Variants in REV3L observed in about 807,000 individuals in gnomAD.
REV3L encodes DNA polymerase zeta catalytic subunit.
Under a neutral mutation model 299.4 loss-of-function variants are expected in REV3L, and 69 were observed. The ratio of observed to expected loss-of-function variants is 0.23; its 90% CI spans 0.19 to 0.28. REV3L has a LOEUF of 0.28. Among genes scored for constraint, REV3L ranks in the 10% least tolerant of loss-of-function variants. REV3L has a pLI of 1.00. For synonymous variants in REV3L, 1,238 were observed against 1,271.4 expected (o/e 0.97, Z 0.56); for missense variants, 3,128 against 3,693.8 (o/e 0.85, Z 3.97).
At chr6:111,394,129 G>C (rs1181606758) in intron 4 of REV3L, among the ~76,000 whole-genome samples, 1 of 152,042 alleles carries the variant, frequency 6.6e-6, no homozygotes, top group African/African-American at 2.4e-5. Context: ...ATATTGAATT[G>C]ATTTCCTTTC....
chr6:111,468,517 T>C (rs909128029), intron 1 of REV3L, among the ~76,000 whole-genome samples: 5 of 152,108 alleles, frequency 3.3e-5, no homozygotes, highest in Admixed American at 6.5e-5. Flanking sequence ...CTCTCAAGCA[T>C]ATGAAAAAAC....
At chr6:111,380,668 G>A (rs1424455718) in intron 10 of REV3L, among the ~76,000 whole-genome samples, 1 of 152,244 alleles carries the variant, frequency 6.6e-6, no homozygotes, top group African/African-American at 2.4e-5. Context: ...AGGTGTTGAG[G>A]TAGCTCTCCT....
At position 111,329,586 on chromosome 6, in the gene REV3L, A is replaced by G; in HGVS notation, c.8187T>C (p.Asn2729=). 3 of 1,614,134 alleles carry G rather than the reference A, an allele frequency of 1.9e-6. No individual in the cohort carries two copies. The highest frequency in any genetic ancestry group is 2.5e-6 in the Non-Finnish European group (3 of 1,180,012). ...ARQLGLKLIA[N]VTFGYTSANF... ...TAGCAGATGTATAGCCAAATGTGAC[A>G]TTTGCTATCAGCTTAAGTCCCAACT... The change falls in exon 25 of 32, where the codon AAT becomes AAC. Residue 2729 remains asparagine (N), a synonymous_variant. Coordinates refer to ENST00000368802, the MANE Select transcript of REV3L (RefSeq NM_001372078.1).
chr6:111,399,044 A>T (rs1179811470), intron 4 of REV3L, among the ~76,000 whole-genome samples: 3 of 152,182 alleles, frequency 2.0e-5, no homozygotes, highest in Non-Finnish European at 4.4e-5. Context: ...CCTTCTGAGT[A>T]CCATTCCAAT....
intron 1 of REV3L, among the ~76,000 whole-genome samples, chr6:111,451,127 T>C (rs1207510932): frequency 1.3e-5 from 2 of 152,124 alleles, no homozygotes; most frequent in South Asian, 2.1e-4. Flanking sequence ...AGAAGCCAAA[T>C]TGCCAGAGGT....
chr6:111,345,331 G>A (rs1776916327), intron 20 of REV3L, among the ~76,000 whole-genome samples: 1 of 152,112 alleles, frequency 6.6e-6, no homozygotes. Flanking sequence ...ATGGAGACAG[G>A]AGCAATAATC....
chr6:111,367,174 A>C lies in REV3L; in HGVS notation c.6614T>G (p.Ile2205Arg). ...ESLCFHSTPI[I>R]QRKLLERLPE... ...AAGCCTTTCCAGAAGTTTTCTCTGT[A>C]TGATTGGTGTACTATGAAAGCAAAG... Residue 2205 changes from isoleucine (I) to arginine (R), a missense_variant, in exon 14 of 32, where the codon ATA becomes AGA. This residue lies in a region of REV3L where 2,409 missense variants were observed against 2,611.8 expected (regional missense o/e 0.92). Transcript: ENST00000368802. 1 of 1,612,452 alleles carries C rather than the reference A, an allele frequency of 6.2e-7. No homozygotes were observed. The highest frequency in any genetic ancestry group is 8.5e-7 in the Non-Finnish European group (1 of 1,179,500).
chr6:111,440,843 T>C (rs1387696834), intron 1 of REV3L, among the ~76,000 whole-genome samples: 1 of 152,220 alleles, frequency 6.6e-6, no homozygotes, highest in African/African-American at 2.4e-5. Flanking sequence ...CTCTTTCATT[T>C]TGAAGGATAA....
In REV3L at chr6:111,375,653, T is replaced by C; in HGVS notation, c.2702A>G (p.Asp901Gly). The C allele has an allele frequency of 8.7e-6, 14 of 1,613,958 alleles. No homozygotes were observed. The highest frequency in any genetic ancestry group is 1.2e-5 in the Non-Finnish European group (14 of 1,179,916). The change falls in exon 13 of 32, where the codon GAT becomes GGT. Residue 901 changes from aspartate to glycine, a missense_variant. Transcript: ENST00000368802. ...GGACTGCTCAGTTTCTAACGTTCCA[T>C]CTCCAAAGTGACAGTCTATAAAACC... The part of the protein sequence containing the change: ...TDGFIDCHFG[D>G]GTLETEQSFG...
intron 15 of REV3L, 145 bp downstream of exon 15, chr6:111,365,117 TTTG>T (rs1238076024): frequency 2.2e-5 from 11 of 510,356 alleles, no homozygotes; most frequent in Admixed American, 4.3e-5. Context: ...AAGGCAAATT[TTTG>T]TTGTCTCAAA....
intron 1 of REV3L, among the ~76,000 whole-genome samples, chr6:111,455,052 G>T (rs143644271): frequency 6.6e-6 from 1 of 152,198 alleles, no homozygotes; most frequent in Non-Finnish European, 1.5e-5. Flanking sequence ...CTCATGAAAC[G>T]CACACTCTAA....
intron 1 of REV3L, among the ~76,000 whole-genome samples, chr6:111,444,274 T>C (rs1478849184): frequency 6.6e-6 from 1 of 152,212 alleles, no homozygotes; most frequent in Non-Finnish European, 1.5e-5. Flanking sequence ...AAAATCATAC[T>C]GCCCAAGAAA....
chr6:111,329,617 G>A lies in REV3L; in HGVS notation c.8156C>T (p.Ala2719Val), dbSNP rs376298082. 9.9e-6 allele frequency: 16 copies of A among 1,613,906 alleles called. No homozygotes were observed. The highest frequency in any genetic ancestry group is 6.7e-5 in the East Asian group (3 of 44,896). The change falls in exon 25 of 32, where the codon GCG becomes GTG. Residue 2719 changes from alanine to valine, a missense_variant. Coordinates refer to ENST00000368802, the MANE Select transcript of REV3L (RefSeq NM_001372078.1). ...TATCAGCTTAAGTCCCAACTGACGC[G>A]CATCAAGCATTCGTGACAGGGCTCT... ...QDRALSRMLD[A>V]RQLGLKLIAN...
At chr6:111,301,605 C>T (rs1456153311) in intron 31 of REV3L, among the ~76,000 whole-genome samples, 2 of 152,086 alleles carry the variant, frequency 1.3e-5, no homozygotes, top group African/African-American at 4.8e-5. Context: ...AACAAGTGCC[C>T]CATCCCAGAC....
intron 4 of REV3L, among the ~76,000 whole-genome samples, chr6:111,402,829 G>A (rs1040684280): frequency 6.6e-6 from 1 of 152,206 alleles, no homozygotes; most frequent in African/African-American, 2.4e-5. Context: ...TTCATTTTAA[G>A]AGAAGTAGAA....
At position 111,372,897 on chromosome 6, in the gene REV3L, C is replaced by T. The variant is rs1779945556; in HGVS notation, c.5458G>A (p.Ala1820Thr). The T allele has an allele frequency of 1.9e-6, 3 of 1,614,042 alleles. No homozygotes were observed. The highest frequency in any genetic ancestry group is 2.5e-6 in the Non-Finnish European group (3 of 1,180,000). The stretch of plus-strand genomic sequence containing the variant: ...TCACCATCAGGGGAGGAGAGTATTG[C>T]AGTAAAAGAGGTATTGGCTGAGTCA... Reference protein sequence around the residue: ...SLDSANTSFTAILSSPDGELV... With the variant: ...SLDSANTSFTTILSSPDGELV... Residue 1820 changes from alanine (A) to threonine (T), a missense_variant, in exon 13 of 32, where the codon GCA becomes ACA. Ala to Thr is a moderately conservative substitution (Grantham distance 58). This residue lies in a region of REV3L where 2,409 missense variants were observed against 2,611.8 expected (regional missense o/e 0.92). Transcript: ENST00000368802.
At chr6:111,429,787 G>A (rs1471392331) in intron 1 of REV3L, among the ~76,000 whole-genome samples, 1 of 152,106 alleles carries the variant, frequency 6.6e-6, no homozygotes, top group Non-Finnish European at 1.5e-5. Flanking sequence ...TGGGCCTGGC[G>A]CGGGGGGTGA....
At position 111,331,066 on chromosome 6, in the gene REV3L, T is replaced by C. The variant is rs906085057; in HGVS notation, c.8034+610A>G. The C allele has an allele frequency of 1.6e-4, 156 of 962,370 alleles. 1 individual carries two copies. Among genetic ancestry groups the C allele is most frequent in the South Asian group, 1.9e-4 (4 of 20,850 alleles). The allele number at this position is 962,370 out of a possible 1,614,324, so 59.6% of individuals were successfully genotyped here. Reference sequence around the variant, plus strand: ...TAGTACAGACTCACTGCTAAGAAAATAGAAAAGAAAGGAATAAAGTTGGCA... The same window carrying C: ...TAGTACAGACTCACTGCTAAGAAAACAGAAAAGAAAGGAATAAAGTTGGCA... On this transcript the variant is annotated intron_variant, in intron 24 of 31. Coordinates refer to ENST00000368802, the MANE Select transcript of REV3L (RefSeq NM_001372078.1).
Position 111,306,821 on chromosome 6 carries a change from T to C in REV3L, c.9252+540A>G, listed in dbSNP as rs1020258843. Among the ~76,000 whole-genome samples the C allele has an allele frequency of 2.6e-5, 4 of 152,350 alleles. No individual in the cohort carries two copies. The East Asian group carries it at 5.8e-4, about 22-fold the overall frequency. On this transcript the variant is annotated intron_variant, in intron 31 of 31. Coordinates refer to ENST00000368802, the MANE Select transcript of REV3L (RefSeq NM_001372078.1). Reference sequence around the variant, plus strand: ...AGAATGGTAAGCACTAGTAGAGCAATTGAGACTTTTCCTTTCTTCTTTTTA... The same window carrying C: ...AGAATGGTAAGCACTAGTAGAGCAACTGAGACTTTTCCTTTCTTCTTTTTA...
Sources: allele counts gnomAD v4.1 joint callset (sites outside exome capture counted in the v4.1 genomes callset), GRCh38; gene constraint gnomAD v4.1.1; regional missense constraint gnomAD v4.1.1; transcripts MANE v1.5; gene names NCBI Gene and HGNC (gene_info 2026-07-23, HGNC 2026-07-21).